Variants in ANAPC1 observed in about 807,000 individuals in gnomAD.
The protein encoded by ANAPC1 is anaphase-promoting complex subunit 1.
In ANAPC1, 36 loss-of-function variants were observed where a neutral mutation model predicts 208.0. That is an observed-to-expected ratio of 0.17 (90% CI 0.13 to 0.23). ANAPC1 has a LOEUF of 0.23. Ranked by LOEUF, ANAPC1 falls within the 10% of genes least tolerant of loss-of-function variation. ANAPC1 has a pLI of 1.00. For synonymous variants in ANAPC1, 378 were observed against 695.2 expected, an observed-to-expected ratio of 0.54 and a Z score of 7.18; for missense variants, 942 against 2,011.6, an observed-to-expected ratio of 0.47 and a Z score of 10.17.
chr2:111,775,516 T>C (rs1321000843), intron 46 of ANAPC1, among the ~76,000 whole-genome samples: 2 of 152,274 alleles, frequency 1.3e-5, no homozygotes, highest in African/African-American at 4.8e-5. Context: ...TTAAGAGGTT[T>C]TGTTTTAAAA....
rs1491072414 is a variant in ANAPC1, at chr2:111,769,677, TTC to T, written c.5720-273_5720-272del. 4.3e-4 allele frequency among the ~76,000 whole-genome samples: 8 copies of T among 18,776 alleles called. 2 individuals carry two copies. Among genetic ancestry groups the T allele is most frequent in the African/African-American group, 1.4e-3 (8 of 5,762 alleles). 12.3% of individuals were successfully genotyped at this position (18,776 alleles called of 152,430 possible). On this transcript the variant is annotated intron_variant, in intron 47 of 47. Coordinates refer to ENST00000341068, the MANE Select transcript of ANAPC1 (RefSeq NM_022662.4). ...AATATCTGCATTACACCTACTGGCTTTCTTTTTTTTTTTTTTTTTTTGGAGAC... is the reference window on the plus strand; with the variant it reads ...AATATCTGCATTACACCTACTGGCTTTTTTTTTTTTTTTTTTTTTGGAGAC...
At chr2:111,841,919 CACAAA>C (rs1480437051) in intron 17 of ANAPC1, among the ~76,000 whole-genome samples, 14 of 152,052 alleles carry the variant, frequency 9.2e-5, no homozygotes. Flanking sequence ...TTCACCACAC[CACAAA>C]TAAACACTGT....
At chr2:111,879,813 G>A (rs1335451338) in intron 2 of ANAPC1, among the ~76,000 whole-genome samples, 11 of 151,978 alleles carry the variant, frequency 7.2e-5, no homozygotes, top group East Asian at 1.9e-4. Flanking sequence ...CAGAGGTTGC[G>A]GTGAGCTGAG....
At chr2:111,866,036 T>C (rs574742340) in intron 7 of ANAPC1, 2 of 171,450 alleles carry the variant, frequency 1.2e-5, no homozygotes, top group Admixed American at 6.4e-5. Context: ...AAACCCCGTC[T>C]CTACTAAAAT....
At chr2:111,833,077 G>A (rs1011319957) in intron 20 of ANAPC1, 143 bp downstream of exon 20, 38 of 1,223,466 alleles carry the variant, frequency 3.1e-5, no homozygotes, top group African/African-American at 3.0e-5. Flanking sequence ...CAAGCACTAC[G>A]AACTAAAATC....
intron 2 of ANAPC1, chr2:111,880,347 G>T: frequency 2.2e-6 from 1 of 454,532 alleles, no homozygotes; most frequent in South Asian, 9.3e-5. Context: ...ACTCCAGCCC[G>T]GGCAAAAAGA....
chr2:111,821,811 C>T (rs1573392785), intron 25 of ANAPC1: 1 of 272,544 alleles, frequency 3.7e-6, no homozygotes, highest in Non-Finnish European at 7.1e-6. Flanking sequence ...TTTCTACTTG[C>T]AGGATTCCTA....
At chr2:111,780,974 G>C (rs1326344230) in intron 43 of ANAPC1, among the ~76,000 whole-genome samples, 5 of 146,632 alleles carry the variant, frequency 3.4e-5, no homozygotes, top group Non-Finnish European at 7.4e-5. Context: ...TCTGCAAGAT[G>C]AAACAGTTCT....
rs1393752357 is a variant in ANAPC1, at chr2:111,858,529, G to A, written c.1263-128C>T. The A allele has an allele frequency of 1.1e-5, 6 of 536,876 alleles. No individual in the cohort carries two copies. The East Asian group carries it at 1.2e-4, about 11-fold the overall frequency. The allele number at this position is 536,876 out of a possible 1,614,324, so 33.3% of individuals were successfully genotyped here. ...TAATCCCAACACTTTGGGAGGCCGAGGCGGGCAGATCACGAGGTCAGGAGA... is the reference window on the plus strand; with the variant it reads ...TAATCCCAACACTTTGGGAGGCCGAAGCGGGCAGATCACGAGGTCAGGAGA... On this transcript the variant is annotated intron_variant, in intron 10 of 47. Coordinates refer to ENST00000341068, the MANE Select transcript of ANAPC1 (RefSeq NM_022662.4).
rs759755444 is a variant in ANAPC1, at chr2:111,825,163, G to A, written c.2709C>T (p.Pro903=). ...SQYLTRITIA[P]QKLQVEQEEN... The stretch of plus-strand genomic sequence containing the variant: ...CCTCTTGTTCTACTTGCAACTTCTG[G>A]GGGGCTAAAAGGCAACAAAATGAAA... The change falls in exon 23 of 48, where the codon CCC becomes CCT. Residue 903 remains proline (P), a synonymous_variant. Transcript: ENST00000341068. The A allele has an allele frequency of 4.4e-5, 71 of 1,611,600 alleles. No individual in the cohort carries two copies. Among genetic ancestry groups the A allele is most frequent in the Non-Finnish European group, 5.7e-5 (67 of 1,179,130 alleles).
At chr2:111,832,016 G>C (rs1680168330) in intron 20 of ANAPC1, among the ~76,000 whole-genome samples, 1 of 146,534 alleles carries the variant, frequency 6.8e-6, no homozygotes, top group African/African-American at 2.5e-5. Context: ...CCAAAGGCTG[G>C]ATGTGGTGGC....
rs1298181088 is a variant in ANAPC1 at position 111,851,962 on chromosome 2, T to C, written c.1516-1052A>G. On this transcript the variant is annotated intron_variant, in intron 13 of 47. Coordinates refer to ENST00000341068, the MANE Select transcript of ANAPC1 (RefSeq NM_022662.4). ...GATGCTCAGAACTAAAATGAGATAT[T>C]AACAACGTACGTATTCATGTTAACA... Among the ~76,000 whole-genome samples the C allele has an allele frequency of 7.9e-5, 12 of 152,268 alleles. No individual in the cohort carries two copies. In the East Asian group the frequency reaches 1.9e-3, roughly 24 times the overall value.
At chr2:111,872,528 A>G (rs2311819) in intron 6 of ANAPC1, 102 bp downstream of exon 6, 3 of 962,714 alleles carry the variant, frequency 3.1e-6, no homozygotes, top group African/African-American at 3.3e-5. Flanking sequence ...TATGCTGTCA[A>G]CATGAAAATT....
intron 18 of ANAPC1, among the ~76,000 whole-genome samples, chr2:111,835,404 G>A (rs1351788508): frequency 6.6e-6 from 1 of 152,158 alleles, no homozygotes; most frequent in Non-Finnish European, 1.5e-5. Context: ...TTCTACTTGT[G>A]ATTTACTGCA....
At chr2:111,859,341 T>A (rs1681925321) in intron 10 of ANAPC1, among the ~76,000 whole-genome samples, 1 of 151,760 alleles carries the variant, frequency 6.6e-6, no homozygotes, top group Non-Finnish European at 1.5e-5. Flanking sequence ...AATTAGCCAG[T>A]AATCCTGTAA....
At chr2:111,876,070 T>C (rs188037406) in intron 3 of ANAPC1, among the ~76,000 whole-genome samples, 48 of 151,988 alleles carry the variant, frequency 3.2e-4, no homozygotes, top group African/African-American at 1.1e-3. Context: ...AGCCCCAGCA[T>C]AATGGCTGAA....
intron 38 of ANAPC1, among the ~76,000 whole-genome samples, chr2:111,789,735 A>G (rs1192351817): frequency 1.3e-5 from 2 of 152,190 alleles, no homozygotes; most frequent in Non-Finnish European, 1.5e-5. Flanking sequence ...ATGTTGTTAC[A>G]GAGTATATAT....
intron 17 of ANAPC1, among the ~76,000 whole-genome samples, chr2:111,842,364 C>A (rs1680809596): frequency 1.3e-5 from 2 of 152,068 alleles, no homozygotes; most frequent in African/African-American, 4.8e-5. Flanking sequence ...GATTTGCTGG[C>A]CAGGCGCAGT....
At chr2:111,812,786 G>A (rs1452784500) in intron 28 of ANAPC1, among the ~76,000 whole-genome samples, 2 of 97,632 alleles carry the variant, frequency 2.0e-5, no homozygotes, top group African/African-American at 8.1e-5. Flanking sequence ...GGAAGCCCAA[G>A]AAAAAGGGAG....
Sources: allele counts gnomAD v4.1 joint callset (sites outside exome capture counted in the v4.1 genomes callset), GRCh38; gene constraint gnomAD v4.1.1; transcripts MANE v1.5; gene names NCBI Gene and HGNC (gene_info 2026-07-23, HGNC 2026-07-21).